The following PTPRD variants were observed in gnomAD, a reference collection of about 807,000 sequenced individuals.
The protein encoded by PTPRD is protein tyrosine phosphatase receptor type D.
PTPRD carries 34 observed loss-of-function variants against 214.5 expected under a neutral mutation model. That is an observed-to-expected ratio of 0.16 (90% CI 0.12 to 0.21). The LOEUF (loss-of-function observed/expected upper bound fraction) is 0.21, where lower values mean the gene tolerates loss of function less well. Among genes scored for constraint, PTPRD ranks in the 10% least tolerant of loss-of-function variants. The pLI is 1.00. For synonymous variants in PTPRD, 1,128 were observed against 845.7 expected (o/e 1.33, Z -5.79); for missense variants, 2,545 against 2,398.7 (o/e 1.06, Z -1.27).
At chr9:8,721,960 T>A (rs962332945) in intron 12 of PTPRD, among the ~76,000 whole-genome samples, 1 of 152,220 alleles carries the variant, frequency 6.6e-6, no homozygotes, top group African/African-American at 2.4e-5. Flanking sequence ...CTCAATTGGG[T>A]GATTTTGCCC....
rs182590013 is a variant in PTPRD, at chr9:8,485,402, G to A, written c.3056-78C>T. ...TGTCCTTTCCACCATGGACCATAGG[G>A]GCTTATGCTAGATGCTGTCTACTTT... On this transcript the variant is annotated intron_variant, in intron 28 of 45. Transcript: ENST00000381196. 6.5e-5 allele frequency: 63 copies of A among 962,618 alleles called. No individual in the cohort carries two copies. The African/African-American group carries it at 8.9e-4, about 14-fold the overall frequency. 59.6% of individuals were successfully genotyped at this position (962,618 alleles called of 1,614,324 possible).
chr9:9,409,243 C>T (rs541594707), intron 8 of PTPRD, among the ~76,000 whole-genome samples: 3 of 152,106 alleles, frequency 2.0e-5, no homozygotes, highest in African/African-American at 7.2e-5. Context: ...GCACCTGCCA[C>T]TCCTCTTGCA....
In PTPRD at chr9:8,352,823, C is replaced by T. The variant is rs536392380; in HGVS notation, c.4662-10845G>A. Among the ~76,000 whole-genome samples, 24 of 152,204 alleles carry T rather than the reference C, an allele frequency of 1.6e-4. No homozygotes were observed. The East Asian group carries it at 4.4e-3, about 28-fold the overall frequency. On this transcript the variant is annotated intron_variant, in intron 39 of 45. Coordinates refer to ENST00000381196, the MANE Select transcript of PTPRD (RefSeq NM_002839.4). ...TTTTGGTTTTTCTTTTTAAAAAATG[C>T]TATTATTGCCCAGGCATGGTGGCTC...
chr9:10,589,145 A>G (rs1279958724), intron 2 of PTPRD, among the ~76,000 whole-genome samples: 1 of 152,196 alleles, frequency 6.6e-6, no homozygotes, highest in African/African-American at 2.4e-5. Context: ...ATCTAATTGA[A>G]AGTCAGAAAA....
intron 8 of PTPRD, among the ~76,000 whole-genome samples, chr9:9,544,119 GA>G (rs2078213311): frequency 6.6e-6 from 1 of 151,392 alleles, no homozygotes; most frequent in South Asian, 2.1e-4. Context: ...TAAACTTAAG[GA>G]TAAATGGTGA....
At chr9:8,982,784 T>G (rs2099319915) in intron 11 of PTPRD, among the ~76,000 whole-genome samples, 1 of 152,070 alleles carries the variant, frequency 6.6e-6, no homozygotes. Context: ...TAGCTAAATA[T>G]TATTTATTTT....
chr9:9,126,180 A>G (rs2099832897), intron 10 of PTPRD, among the ~76,000 whole-genome samples: 2 of 152,238 alleles, frequency 1.3e-5, no homozygotes, highest in Non-Finnish European at 2.9e-5. Context: ...GGAGGGGGAT[A>G]TAAGCCACAA....
In PTPRD at chr9:9,535,662, T is replaced by A. The variant is rs1487274978; in HGVS notation, c.-237+39070A>T. 2.0e-5 allele frequency among the ~76,000 whole-genome samples: 3 copies of A among 152,094 alleles called. No homozygotes were observed. The East Asian group carries it at 5.8e-4, about 29-fold the overall frequency. On this transcript the variant is annotated intron_variant, in intron 8 of 45. Coordinates refer to ENST00000381196, the MANE Select transcript of PTPRD (RefSeq NM_002839.4). Reference sequence around the variant, plus strand: ...TCTATTTACCCATATACTTATTACATCCATTAGAGTTTAATGTGGAGAAAC... The same window carrying A: ...TCTATTTACCCATATACTTATTACAACCATTAGAGTTTAATGTGGAGAAAC...
intron 9 of PTPRD, among the ~76,000 whole-genome samples, chr9:9,361,038 G>T (rs562735431): frequency 6.6e-6 from 1 of 151,036 alleles, no homozygotes; most frequent in East Asian, 2.0e-4. Flanking sequence ...CAGTCCTGAG[G>T]TTCTCAATAT....
intron 9 of PTPRD, among the ~76,000 whole-genome samples, chr9:9,391,275 G>C (rs568268183): frequency 1.3e-5 from 2 of 151,970 alleles, no homozygotes; most frequent in Non-Finnish European, 2.9e-5. Flanking sequence ...CAAAACTAGA[G>C]GCTATAAACT....
chr9:8,590,341 C>T (rs2184979), intron 14 of PTPRD, among the ~76,000 whole-genome samples: 7,794 of 152,164 alleles, frequency 0.051, 422 homozygotes, highest in African/African-American at 0.14. Flanking sequence ...AAGTTAATTA[C>T]GTCTTCCAAG....
At chr9:9,965,611 C>G (rs1175608324) in intron 4 of PTPRD, among the ~76,000 whole-genome samples, 1 of 152,264 alleles carries the variant, frequency 6.6e-6, no homozygotes, top group South Asian at 2.1e-4. Flanking sequence ...CTATTACCTA[C>G]TCCTTCTTTT....
At chr9:9,375,097 G>A (rs1350585811) in intron 9 of PTPRD, among the ~76,000 whole-genome samples, 3 of 152,144 alleles carry the variant, frequency 2.0e-5, no homozygotes, top group African/African-American at 7.2e-5. Context: ...ATGTGCGTGT[G>A]TGTGTTGGCA....
intron 3 of PTPRD, among the ~76,000 whole-genome samples, chr9:10,275,608 T>A (rs572084389): frequency 1.5e-3 from 222 of 152,246 alleles, no homozygotes; most frequent in Middle Eastern, 3.4e-3. Flanking sequence ...ATTATTGGGA[T>A]AGACTACCAA....
chr9:9,172,310 C>G (rs2099921953), intron 10 of PTPRD, among the ~76,000 whole-genome samples: 1 of 152,066 alleles, frequency 6.6e-6, no homozygotes, highest in East Asian at 1.9e-4. Context: ...TGTACTTTCC[C>G]TAAAGAAACA....
intron 39 of PTPRD, among the ~76,000 whole-genome samples, chr9:8,367,046 C>G (rs956780440): frequency 1.3e-5 from 2 of 152,060 alleles, no homozygotes; most frequent in African/African-American, 4.8e-5. Flanking sequence ...TTTTCTAGTG[C>G]CAAGAGATAC....
At chr9:9,451,360 TAAAAC>T (rs1454639477) in intron 8 of PTPRD, among the ~76,000 whole-genome samples, 2 of 151,720 alleles carry the variant, frequency 1.3e-5, no homozygotes, top group Admixed American at 1.3e-4. Context: ...AATTCAAAAT[TAAAAC>T]AAAAAATGAA....
chr9:8,767,488 GA>G (rs1353475466), intron 11 of PTPRD, among the ~76,000 whole-genome samples: 1 of 152,100 alleles, frequency 6.6e-6, no homozygotes, highest in Non-Finnish European at 1.5e-5. Flanking sequence ...GGAACTCAAA[GA>G]CACATGTACA....
intron 2 of PTPRD, among the ~76,000 whole-genome samples, chr9:10,360,648 C>T (rs2097362425): frequency 6.6e-6 from 1 of 151,968 alleles, no homozygotes; most frequent in Admixed American, 6.6e-5. Context: ...TTTTTGAATC[C>T]CTTTAGATTC....
Sources: allele counts gnomAD v4.1 joint callset (sites outside exome capture counted in the v4.1 genomes callset), GRCh38; gene constraint gnomAD v4.1.1; transcripts MANE v1.5; gene names NCBI Gene and HGNC (gene_info 2026-07-23, HGNC 2026-07-21).